Variants in SPAG16 observed in about 807,000 individuals in gnomAD.
SPAG16 encodes the protein sperm-associated antigen 16 protein.
Under a neutral mutation model 80.4 loss-of-function variants are expected in SPAG16, and 86 were observed. The ratio of observed to expected loss-of-function variants is 1.07; its 90% CI spans 0.90 to 1.28. The LOEUF (loss-of-function observed/expected upper bound fraction) is 1.28, where lower values mean the gene tolerates loss of function less well. Ranked by LOEUF, SPAG16 falls within the 50% of genes most tolerant of loss-of-function variation. SPAG16 has a pLI of 0.00. For synonymous variants in SPAG16, 294 were observed against 265.9 expected, an observed-to-expected ratio of 1.11 and a Z score of -1.03; for missense variants, 870 against 765.3, an observed-to-expected ratio of 1.14 and a Z score of -1.61.
intron 12 of SPAG16, among the ~76,000 whole-genome samples, chr2:213,960,318 T>C (rs2044348119): frequency 6.6e-6 from 1 of 152,184 alleles, no homozygotes; most frequent in South Asian, 2.1e-4. Context: ...TTTGACAGTC[T>C]TTAATACAGT....
chr2:213,529,155 A>C (rs542175573), intron 10 of SPAG16, among the ~76,000 whole-genome samples: 1 of 152,316 alleles, frequency 6.6e-6, no homozygotes, highest in South Asian at 2.1e-4. Flanking sequence ...CATTATTTTA[A>C]GGAATAAATT....
chr2:213,897,979 A>G (rs1033066), intron 11 of SPAG16, among the ~76,000 whole-genome samples: 147,927 of 152,288 alleles, frequency 0.97, 71,995 homozygotes, highest in East Asian at 1. Flanking sequence ...ATTTTTAAAA[A>G]ACTATTATAT....
intron 15 of SPAG16, among the ~76,000 whole-genome samples, chr2:214,157,055 A>G (rs1219143700): frequency 6.6e-6 from 1 of 152,086 alleles, no homozygotes; most frequent in Non-Finnish European, 1.5e-5. Context: ...ATGCAAATCC[A>G]TTTTGTTCTT....
chr2:213,314,156 A>G (rs912819890), intron 4 of SPAG16, among the ~76,000 whole-genome samples: 41 of 152,026 alleles, frequency 2.7e-4, no homozygotes, highest in African/African-American at 9.9e-4. Context: ...TTCTCCCTGA[A>G]ATTCATATAT....
intron 5 of SPAG16, among the ~76,000 whole-genome samples, chr2:213,339,591 A>T (rs924384423): frequency 1.3e-5 from 2 of 152,288 alleles, no homozygotes; most frequent in East Asian, 3.9e-4. Flanking sequence ...TACAGCACTG[A>T]TATTGAAGAC....
At chr2:213,887,533 A>C (rs1394073067) in intron 11 of SPAG16, among the ~76,000 whole-genome samples, 1 of 151,916 alleles carries the variant, frequency 6.6e-6, no homozygotes, top group Admixed American at 6.6e-5. Flanking sequence ...AATTTAAAAA[A>C]TATTAACTAC....
intron 10 of SPAG16, among the ~76,000 whole-genome samples, chr2:213,740,471 G>A (rs1291930716): frequency 1.3e-5 from 2 of 152,130 alleles, no homozygotes; most frequent in African/African-American, 2.4e-5. Flanking sequence ...CTGTAAAGAG[G>A]GCCACATTTT....
intron 12 of SPAG16, among the ~76,000 whole-genome samples, chr2:213,986,154 G>T (rs1012431547): frequency 1.3e-5 from 2 of 152,068 alleles, no homozygotes; most frequent in African/African-American, 4.8e-5. Context: ...TATATGGAAA[G>T]ATTTCAAAGA....
intron 10 of SPAG16, among the ~76,000 whole-genome samples, chr2:213,691,815 T>C (rs1192070806): frequency 6.6e-6 from 1 of 152,222 alleles, no homozygotes; most frequent in Non-Finnish European, 1.5e-5. Flanking sequence ...TGGCAATCAT[T>C]GTTTGTTGTG....
intron 13 of SPAG16, among the ~76,000 whole-genome samples, chr2:214,066,151 T>C (rs947615006): frequency 2.0e-5 from 3 of 152,144 alleles, no homozygotes; most frequent in East Asian, 1.9e-4. Flanking sequence ...CCTGTCACCT[T>C]TTGCTAATTC....
At chr2:214,228,049 G>A (rs1688403574) in intron 15 of SPAG16, among the ~76,000 whole-genome samples, 1 of 151,846 alleles carries the variant, frequency 6.6e-6, no homozygotes, top group South Asian at 2.1e-4. Context: ...ATATGCCCTG[G>A]CAAAGAAATA....
chr2:213,938,159 C>G (rs1256577828), intron 12 of SPAG16, among the ~76,000 whole-genome samples: 1 of 151,792 alleles, frequency 6.6e-6, no homozygotes, highest in East Asian at 1.9e-4. Flanking sequence ...TACTGCCAAT[C>G]AAAGCAAGAA....
intron 15 of SPAG16, among the ~76,000 whole-genome samples, chr2:214,309,176 A>G (rs979853181): frequency 6.6e-6 from 1 of 152,046 alleles, no homozygotes; most frequent in South Asian, 2.1e-4. Flanking sequence ...CACTTGGCCT[A>G]TTCTGCTATT....
intron 12 of SPAG16, among the ~76,000 whole-genome samples, chr2:213,941,518 C>T (rs2106288950): frequency 6.6e-6 from 1 of 152,166 alleles, no homozygotes; most frequent in Admixed American, 6.5e-5. Context: ...ATTTCCCCTA[C>T]CGCTGGATCT....
chr2:213,872,013 G>A (rs1388635295), intron 11 of SPAG16, among the ~76,000 whole-genome samples: 2 of 152,014 alleles, frequency 1.3e-5, no homozygotes, highest in African/African-American at 2.4e-5. Context: ...AAAAGGATCA[G>A]GACAAAGAAC....
At chr2:213,874,962 A>G (rs780690801) in intron 11 of SPAG16, among the ~76,000 whole-genome samples, 2 of 152,128 alleles carry the variant, frequency 1.3e-5, no homozygotes, top group African/African-American at 2.4e-5. Flanking sequence ...ATTTTTTAAG[A>G]AAGAGAATCT....
chr2:213,338,023 C>T (rs1041110780), intron 5 of SPAG16, among the ~76,000 whole-genome samples: 4 of 152,208 alleles, frequency 2.6e-5, no homozygotes, highest in African/African-American at 9.6e-5. Context: ...CAGTGGATCT[C>T]TGCAGAAACC....
chr2:214,374,554 CTT>C (rs1208101000), intron 15 of SPAG16, among the ~76,000 whole-genome samples: 2 of 152,004 alleles, frequency 1.3e-5, no homozygotes, highest in African/African-American at 4.8e-5. Flanking sequence ...ATCATAAACT[CTT>C]TTATCAAATA....
intron 10 of SPAG16, among the ~76,000 whole-genome samples, chr2:213,822,049 G>T: frequency 6.6e-6 from 1 of 152,092 alleles, no homozygotes; most frequent in East Asian, 1.9e-4. Context: ...GCTTTCCTTT[G>T]TTTTGGGTAT....
Sources: gnomAD v4.1 joint callset for allele counts (sites outside exome capture counted in the v4.1 genomes callset) on GRCh38, gnomAD v4.1.1 for gene constraint, MANE v1.5 for transcripts, NCBI Gene and HGNC (gene_info 2026-07-23, HGNC 2026-07-21) for gene names.